MACROD2: variants seen among roughly 807,000 people sequenced by gnomAD.
The protein encoded by MACROD2 is ADP-ribose glycohydrolase MACROD2.
A neutral mutation model predicts 70.4 loss-of-function variants in MACROD2; 36 were observed. The ratio of observed to expected loss-of-function variants is 0.51; its 90% CI spans 0.39 to 0.68. MACROD2 has a LOEUF of 0.68. Among genes scored for constraint, MACROD2 ranks in the 30% least tolerant of loss-of-function variants. The pLI is 0.00. For missense variants in MACROD2, 496 were observed against 538.4 expected (o/e 0.92, Z 0.78); for synonymous variants, 172 against 178.8 (o/e 0.96, Z 0.30).
intron 4 of MACROD2, among the ~76,000 whole-genome samples, chr20:14,536,661 G>GTGTGTGCATGCATGTGTGCC (rs1756952787): frequency 1.3e-5 from 2 of 151,450 alleles, no homozygotes; most frequent in Admixed American, 1.3e-4. Context: ...GTGTGTGTGT[G>GTGTGTGCATGCATGTGTGCC]TGCATGCATG....
At chr20:15,228,406 T>C (rs2076929268) in intron 5 of MACROD2, among the ~76,000 whole-genome samples, 1 of 152,094 alleles carries the variant, frequency 6.6e-6, no homozygotes, top group Non-Finnish European at 1.5e-5. Flanking sequence ...ACCAATGCTT[T>C]AGGTCTTTTC....
intron 8 of MACROD2, among the ~76,000 whole-genome samples, chr20:15,763,162 C>A (rs553459166): frequency 5.1e-4 from 77 of 152,228 alleles, no homozygotes; most frequent in African/African-American, 1.8e-3. Flanking sequence ...CTTAAAGGGA[C>A]CCTCTGCGCA....
At chr20:15,145,681 C>T (rs557062348) in intron 5 of MACROD2, among the ~76,000 whole-genome samples, 35 of 152,138 alleles carry the variant, frequency 2.3e-4, no homozygotes, top group African/African-American at 7.5e-4. Context: ...ACCATTACCA[C>T]GACATTTAAA....
intron 5 of MACROD2, among the ~76,000 whole-genome samples, chr20:14,779,142 G>A (rs570582925): frequency 6.6e-6 from 1 of 152,028 alleles, no homozygotes; most frequent in Non-Finnish European, 1.5e-5. Flanking sequence ...TCCACCAAAA[G>A]GCATCATTAG....
intron 3 of MACROD2, among the ~76,000 whole-genome samples, chr20:14,130,821 A>G (rs1044854295): frequency 6.6e-6 from 1 of 152,118 alleles, no homozygotes; most frequent in African/African-American, 2.4e-5. Flanking sequence ...AACATTTTAG[A>G]TTAGTAGAAT....
rs149330202 is a variant in MACROD2, at chr20:15,094,385, C to A, written c.419-135555C>A. On this transcript the variant is annotated intron_variant, in intron 5 of 17. Coordinates refer to ENST00000684519, the MANE Select transcript of MACROD2 (RefSeq NM_001351661.2). ...ATGAGCATGCATTTCCAGCAGCAGT[C>A]TCTCAGTAAAAGACTCAATCAAGTT... Among the ~76,000 whole-genome samples, 171 of 152,216 alleles carry A rather than the reference C, an allele frequency of 1.1e-3. 1 individual carries two copies. The Middle Eastern group carries it at 0.014, about 12-fold the overall frequency.
intron 8 of MACROD2, among the ~76,000 whole-genome samples, chr20:15,699,695 G>A (rs533712815): frequency 6.6e-6 from 1 of 152,176 alleles, no homozygotes; most frequent in East Asian, 1.9e-4. Flanking sequence ...GCGAAAGAAA[G>A]GGCTTTAGTT....
At chr20:14,054,971 G>A (rs1343188840) in intron 2 of MACROD2, among the ~76,000 whole-genome samples, 1 of 151,932 alleles carries the variant, frequency 6.6e-6, no homozygotes, top group Non-Finnish European at 1.5e-5. Flanking sequence ...GTTCTATATG[G>A]GTTAATTTTG....
chr20:14,901,808 A>G (rs2073898064), intron 5 of MACROD2, among the ~76,000 whole-genome samples: 1 of 152,186 alleles, frequency 6.6e-6, no homozygotes, highest in African/African-American at 2.4e-5. Flanking sequence ...AGGAATGAGT[A>G]TCTTGAAAAT....
intron 3 of MACROD2, among the ~76,000 whole-genome samples, chr20:14,140,507 T>C (rs1374652364): frequency 2.0e-5 from 3 of 152,246 alleles, no homozygotes; most frequent in Non-Finnish European, 4.4e-5. Flanking sequence ...AATGTTTATA[T>C]AGGGTGAGAG....
intron 2 of MACROD2, among the ~76,000 whole-genome samples, chr20:14,077,508 A>T (rs2053929464): frequency 6.6e-6 from 1 of 152,236 alleles, no homozygotes. Flanking sequence ...ATGTAAGTTA[A>T]ACTACTAAAA....
chr20:15,420,163 A>G (rs73270906), intron 6 of MACROD2, among the ~76,000 whole-genome samples: 17 of 152,304 alleles, frequency 1.1e-4, no homozygotes, highest in African/African-American at 2.9e-4. Context: ...GCTGGTTCCA[A>G]CATTTTGTAT....
At chr20:15,372,021 CATTTT>C (rs1035110011) in intron 6 of MACROD2, among the ~76,000 whole-genome samples, 8 of 152,132 alleles carry the variant, frequency 5.3e-5, no homozygotes, top group South Asian at 4.1e-4. Context: ...TGTTTCATCA[CATTTT>C]ATTTTATTTT....
At chr20:16,042,847 C>T (rs573320588) in intron 16 of MACROD2, among the ~76,000 whole-genome samples, 50 of 152,146 alleles carry the variant, frequency 3.3e-4, no homozygotes, top group Middle Eastern at 3.4e-3. Context: ...AACACTGAGA[C>T]CTGCTTTTAA....
chr20:15,419,989 A>G (rs1280680518), intron 6 of MACROD2, among the ~76,000 whole-genome samples: 1 of 152,184 alleles, frequency 6.6e-6, no homozygotes, highest in African/African-American at 2.4e-5. Context: ...GCTTCTATAT[A>G]AAGGGAGTTT....
At chr20:15,071,353 A>G (rs2075618045) in intron 5 of MACROD2, among the ~76,000 whole-genome samples, 1 of 152,214 alleles carries the variant, frequency 6.6e-6, no homozygotes, top group Admixed American at 6.5e-5. Context: ...ATCTTGAGAC[A>G]TGTAATTTAT....
intron 4 of MACROD2, among the ~76,000 whole-genome samples, chr20:14,668,167 A>G (rs76762382): frequency 6.6e-6 from 1 of 151,854 alleles, no homozygotes; most frequent in African/African-American, 2.4e-5. Context: ...AAAAAAAAAA[A>G]GGCTCTCACT....
intron 4 of MACROD2, among the ~76,000 whole-genome samples, chr20:14,635,081 A>G (rs1984717079): frequency 1.3e-5 from 2 of 152,200 alleles, no homozygotes; most frequent in Admixed American, 1.3e-4. Context: ...TGTGTCTTCA[A>G]GGAGCGGTGT....
intron 3 of MACROD2, among the ~76,000 whole-genome samples, chr20:14,172,966 G>C (rs1287654941): frequency 6.6e-6 from 1 of 152,154 alleles, no homozygotes; most frequent in African/African-American, 2.4e-5. Context: ...ACTAAAGATA[G>C]GACCCCAATC....
Sources: allele counts gnomAD v4.1 joint callset (sites outside exome capture counted in the v4.1 genomes callset), GRCh38; gene constraint gnomAD v4.1.1; transcripts MANE v1.5; gene names NCBI Gene and HGNC (gene_info 2026-07-23, HGNC 2026-07-21).